Variants in AGBL1 observed in about 807,000 individuals in gnomAD.
AGBL1 encodes the protein AGBL carboxypeptidase 1, also known as cytosolic carboxypeptidase 4.
A neutral mutation model predicts 118.9 loss-of-function variants in AGBL1; 130 were observed. That is an observed-to-expected ratio of 1.09 (90% confidence interval 0.95 to 1.26). The LOEUF (loss-of-function observed/expected upper bound fraction) is 1.26. AGBL1 is among the 50% of genes most tolerant of loss of function. The pLI, the probability that AGBL1 is intolerant of heterozygous loss-of-function variation, is 0.00. For synonymous variants in AGBL1, 555 were observed against 478.9 expected (o/e 1.16, Z -2.08); for missense variants, 1,584 against 1,298.1 (o/e 1.22, Z -3.38).
At chr15:86,603,777 G>C (rs1368511746) in intron 21 of AGBL1, among the ~76,000 whole-genome samples, 2 of 152,160 alleles carry the variant, frequency 1.3e-5, no homozygotes, top group South Asian at 2.1e-4. Flanking sequence ...TTATCCTTTA[G>C]TGGAAGGAAC....
intron 6 of AGBL1, among the ~76,000 whole-genome samples, chr15:86,244,648 AT>A (rs1330357087): frequency 3.3e-5 from 5 of 151,972 alleles, no homozygotes; most frequent in African/African-American, 7.3e-5. Context: ...AAAATTAAAG[AT>A]TTTTTTTCAT....
At chr15:86,638,442 C>T (rs1275792255) in intron 21 of AGBL1, among the ~76,000 whole-genome samples, 1 of 152,158 alleles carries the variant, frequency 6.6e-6, no homozygotes, top group African/African-American at 2.4e-5. Flanking sequence ...GTTCAGGCTG[C>T]CATCATATTA....
At chr15:86,323,655 G>A (rs1460610390) in intron 17 of AGBL1, among the ~76,000 whole-genome samples, 3 of 152,126 alleles carry the variant, frequency 2.0e-5, no homozygotes, top group Non-Finnish European at 4.4e-5. Flanking sequence ...TGGTCTTAGG[G>A]TTTAAATGTG....
chr15:86,115,899 C>A (rs74366098), intron 1 of AGBL1, among the ~76,000 whole-genome samples: 3,566 of 152,264 alleles, frequency 0.023, 157 homozygotes, highest in African/African-American at 0.08. Flanking sequence ...TATACCTACT[C>A]TCCTGTTATA....
At chr15:86,164,156 T>G (rs2077305135) in intron 5 of AGBL1, among the ~76,000 whole-genome samples, 1 of 152,198 alleles carries the variant, frequency 6.6e-6, no homozygotes, top group Admixed American at 6.5e-5. Flanking sequence ...TGGAGGGGCA[T>G]GTGGGGACAG....
chr15:86,729,649 G>T (rs1175992602), intron 22 of AGBL1, among the ~76,000 whole-genome samples: 1 of 152,186 alleles, frequency 6.6e-6, no homozygotes, highest in Non-Finnish European at 1.5e-5. Flanking sequence ...TGGTGCATAT[G>T]TACCGCATTT....
intron 6 of AGBL1, among the ~76,000 whole-genome samples, chr15:86,229,428 A>G (rs2078420115): frequency 6.6e-6 from 1 of 152,170 alleles, no homozygotes; most frequent in African/African-American, 2.4e-5. Context: ...GAACTCACTC[A>G]CTATCAGGAG....
At chr15:86,268,703 CCATGGGGTTATGTGT>C (rs2079111024) in intron 13 of AGBL1, among the ~76,000 whole-genome samples, 1 of 152,128 alleles carries the variant, frequency 6.6e-6, no homozygotes, top group Non-Finnish European at 1.5e-5. Flanking sequence ...GAGTGCCACT[CCATGGGGTTATGTGT>C]CATGTGTTGT....
At chr15:86,819,523 G>A (rs572254602) in intron 22 of AGBL1, among the ~76,000 whole-genome samples, 1 of 152,094 alleles carries the variant, frequency 6.6e-6, no homozygotes, top group Admixed American at 6.5e-5. Context: ...TCACTCAAAT[G>A]AGTGAACTCC....
intron 1 of AGBL1, among the ~76,000 whole-genome samples, chr15:86,103,752 G>T (rs1045162517): frequency 1.3e-5 from 2 of 152,222 alleles, no homozygotes; most frequent in African/African-American, 4.8e-5. Context: ...GTTGCAGGCT[G>T]AGCATGCCTT....
At chr15:86,753,979 C>G (rs11630577) in intron 22 of AGBL1, among the ~76,000 whole-genome samples, 115,253 of 151,944 alleles carry the variant, frequency 0.76, 43,843 homozygotes, top group Middle Eastern at 0.79. Context: ...GAGAATCTTA[C>G]TCATCATATG....
chr15:86,453,857 T>C (rs929890603), intron 18 of AGBL1, among the ~76,000 whole-genome samples: 1 of 152,264 alleles, frequency 6.6e-6, no homozygotes, highest in Non-Finnish European at 1.5e-5. Flanking sequence ...TTTTAAAATA[T>C]CATATTTTGT....
At chr15:86,925,739 T>G (rs1434463990) in intron 23 of AGBL1, among the ~76,000 whole-genome samples, 1 of 149,868 alleles carries the variant, frequency 6.7e-6, no homozygotes, top group African/African-American at 2.5e-5. Flanking sequence ...TTTTTTTATT[T>G]TTTATTTTTG....
Position 86,247,686 on chromosome 15 carries a change from G to T in AGBL1, c.542G>T (p.Arg181Ile). ...ALLKSKSNGR[R>I]AVNRGYVTSL... is the part of the protein sequence containing the mutation. ...TTGTTTTCAGAGTCGAACGGCCGCA[G>T]AGCAGTGAACCGAGGCTACGTCACC... Residue 181 changes from arginine (R) to isoleucine (I), a missense_variant, in exon 7 of 23, where the codon AGA becomes ATA. By Grantham distance (97) the Arg-to-Ile change is moderately conservative. Transcript: ENST00000614907. 1 of 1,608,432 alleles carries T rather than the reference G, an allele frequency of 6.2e-7. No individual in the cohort carries two copies. Among genetic ancestry groups the T allele is most frequent in the Non-Finnish European group, 8.5e-7 (1 of 1,177,424 alleles).
At chr15:86,334,025 T>C (rs2080317342) in intron 17 of AGBL1, among the ~76,000 whole-genome samples, 1 of 152,170 alleles carries the variant, frequency 6.6e-6, no homozygotes, top group Admixed American at 6.5e-5. Flanking sequence ...TGAAGGAACA[T>C]ATCTCAAAAT....
intron 21 of AGBL1, among the ~76,000 whole-genome samples, chr15:86,662,843 C>T (rs960802587): frequency 2.0e-5 from 3 of 152,146 alleles, no homozygotes; most frequent in Non-Finnish European, 2.9e-5. Flanking sequence ...TCCGCATGAC[C>T]AGTGAAGATA....
chr15:86,441,126 G>T (rs2082059661), intron 18 of AGBL1, among the ~76,000 whole-genome samples: 1 of 152,190 alleles, frequency 6.6e-6, no homozygotes. Context: ...GTGAAGGCTT[G>T]CTGGCAAGAG....
intron 1 of AGBL1, among the ~76,000 whole-genome samples, chr15:86,118,985 C>T (rs1193670858): frequency 6.6e-6 from 1 of 152,128 alleles, no homozygotes; most frequent in Non-Finnish European, 1.5e-5. Context: ...TTATGTAATA[C>T]TCTGAGAGTC....
At chr15:86,458,803 G>T (rs187772469) in intron 18 of AGBL1, among the ~76,000 whole-genome samples, 25 of 152,252 alleles carry the variant, frequency 1.6e-4, no homozygotes, top group Admixed American at 7.9e-4. Context: ...TTATTGCAAG[G>T]CTATCCTGTG....
Sources: gnomAD v4.1 joint callset for allele counts (sites outside exome capture counted in the v4.1 genomes callset) on GRCh38, gnomAD v4.1.1 for gene constraint, MANE v1.5 for transcripts, NCBI Gene and HGNC (gene_info 2026-07-23, HGNC 2026-07-21) for gene names.